OTX1: variants seen among roughly 807,000 people sequenced by gnomAD.
OTX1 encodes the protein orthodenticle homeobox 1, also known as homeobox protein OTX1.
In OTX1, 7 loss-of-function variants were observed where a neutral mutation model predicts 26.7. The ratio of observed to expected loss-of-function variants is 0.26; its 90% CI spans 0.15 to 0.49. OTX1 has a LOEUF of 0.49. Ranked by LOEUF, OTX1 falls within the 20% of genes least tolerant of loss-of-function variation. The pLI is 0.98. For missense variants in OTX1, 414 were observed against 483.8 expected, an observed-to-expected ratio of 0.86 and a Z score of 1.35; for synonymous variants, 216 against 212.8, an observed-to-expected ratio of 1.01 and a Z score of -0.13.
In OTX1 at chr2:63,052,976, C is replaced by T. The variant is rs1407070011; in HGVS notation, c.-15C>T. The T allele has an allele frequency of 1.3e-6, 2 of 1,599,488 alleles. No homozygotes were observed. Among genetic ancestry groups the T allele is most frequent in the Non-Finnish European group, 1.7e-6 (2 of 1,169,650 alleles). The stretch of plus-strand genomic sequence containing the variant: ...CCCCCTGGATCCGTCGGGGCGCCTC[C>T]ACCCAGCTGTTAGCATGATGTCTTA... On this transcript the variant is annotated 5_prime_UTR_variant, in exon 3 of 5. Coordinates refer to ENST00000282549, the MANE Select transcript of OTX1 (RefSeq NM_014562.4).
intron 2 of OTX1, among the ~76,000 whole-genome samples, 168 bp from the exon 3 acceptor site, chr2:63,052,712 G>C (rs566521439): frequency 2.0e-5 from 3 of 152,304 alleles, no homozygotes; most frequent in Admixed American, 1.3e-4. Flanking sequence ...AGACGACCCA[G>C]AAAACTTTAC....
chr2:63,050,345 G>A (rs13011372), upstream of OTX1, among the ~76,000 whole-genome samples: 2,107 of 152,274 alleles, frequency 0.014, 17 homozygotes, highest in Non-Finnish European at 0.022. Flanking sequence ...CGCCGGGAGA[G>A]GGGCCGAGGC....
In OTX1 at chr2:63,055,558, A is replaced by G. The variant is rs763280386; in HGVS notation, c.307A>G (p.Thr103Ala). Residue 103 changes from threonine to alanine, a missense_variant, in exon 5 of 5, where the codon ACC becomes GCC. This residue lies in a region of OTX1 where 320 missense variants were observed against 347.9 expected (regional missense o/e 0.92). Coordinates refer to ENST00000282549, the MANE Select transcript of OTX1 (RefSeq NM_014562.4). The surrounding 1 kb of genome is among the most constrained non-coding windows in gnomAD (Gnocchi z 5.2). ...CCAGCAGCAGCAGAGCGGGAGCGGA[A>G]CCAAGAGCCGCCCAGCCAAGAAGAA... Reference protein sequence around the residue: ...CRQQQQSGSGTKSRPAKKKSS... With the variant: ...CRQQQQSGSGAKSRPAKKKSS... 3.8e-5 allele frequency: 61 copies of G among 1,614,032 alleles called. No homozygotes were observed. Among genetic ancestry groups the G allele is most frequent in the Non-Finnish European group, 5.1e-5 (60 of 1,180,046 alleles).
chr2:63,050,793 C>T (rs1007226941), upstream of OTX1: 1 of 152,284 alleles, frequency 6.6e-6, no homozygotes, highest in Non-Finnish European at 1.5e-5. Flanking sequence ...ACGCACTCGC[C>T]TCGCGTTCAC....
At chr2:63,050,818 C>T (rs2062020070), upstream of OTX1, 1 of 152,268 alleles carries the variant, frequency 6.6e-6, no homozygotes, top group Non-Finnish European at 1.5e-5. Context: ...CCGGGGAGGG[C>T]AGTAGAAAGG....
chr2:63,056,450 C>G lies in OTX1; in HGVS notation c.*134C>G. On this transcript the variant is annotated 3_prime_UTR_variant, in exon 5 of 5. Coordinates refer to ENST00000282549, the MANE Select transcript of OTX1 (RefSeq NM_014562.4). ...AATTTTCACCCCCCAAAAAGATGTC[C>G]ATTGCCTGCACTGCCGCCCCCATTT... The G allele has an allele frequency of 1.2e-6, 1 of 810,460 alleles. No individual in the cohort carries two copies. The highest frequency in any genetic ancestry group is 2.8e-5 in the Admixed American group (1 of 35,558). 50.2% of individuals were successfully genotyped at this position (810,460 alleles called of 1,614,324 possible).
chr2:63,054,576 C>T (rs1237029263), intron 4 of OTX1, among the ~76,000 whole-genome samples: 1 of 152,254 alleles, frequency 6.6e-6, no homozygotes, highest in East Asian at 1.9e-4. Context: ...TGAATTCTGC[C>T]TCTGCCCTTG....
rs1446653430 is a variant in OTX1 at position 63,055,797 on chromosome 2, C to T, written c.546C>T (p.Ile182=). The T allele has an allele frequency of 2.5e-6, 4 of 1,612,302 alleles. No individual in the cohort carries two copies. Among genetic ancestry groups the T allele is most frequent in the Middle Eastern group, 1.7e-4 (1 of 6,056 alleles). ...AASSIWSPAS[I]SPGSAPASVS... is the part of the protein sequence containing the mutation. ...CATCTATCTGGAGCCCGGCCTCCATCTCGCCAGGCTCAGCGCCCGCGTCCG... is the reference window on the plus strand; with the variant it reads ...CATCTATCTGGAGCCCGGCCTCCATTTCGCCAGGCTCAGCGCCCGCGTCCG... The change falls in exon 5 of 5, where the codon ATC becomes ATT. Residue 182 remains isoleucine, a synonymous_variant. Transcript: ENST00000282549. The surrounding 1 kb of genome is among the most constrained non-coding windows in gnomAD (Gnocchi z 5.2).
At position 63,057,778 on chromosome 2, in the gene OTX1, C is replaced by T. The variant is rs1061384; in HGVS notation, c.*1462C>T. On this transcript the variant is annotated 3_prime_UTR_variant, in exon 5 of 5. Transcript: ENST00000282549. ...TTACTTGTTGAAATGTAAGGCAGTC[C>T]CCCTCCTCCTCTTTATCTACATTAC... 7.9e-3 allele frequency: 1,205 copies of T among 152,074 alleles called. 6 individuals carry two copies. Among genetic ancestry groups the T allele is most frequent in the Non-Finnish European group, 0.013 (872 of 68,000 alleles). 9.4% of individuals were successfully genotyped at this position (152,074 alleles called of 1,614,324 possible). A position where few individuals can be genotyped will look rare whatever the true frequency, so the allele number is the denominator to read the frequency against.
chr2:63,056,553 C>T lies in OTX1; in HGVS notation c.*237C>T. ...GGGACCGGTGCTTCGGCTTGGCCTA[C>T]ACATTCTATACAGGAGAGATGTATT... On this transcript the variant is annotated 3_prime_UTR_variant, in exon 5 of 5. Coordinates refer to ENST00000282549, the MANE Select transcript of OTX1 (RefSeq NM_014562.4). The T allele has an allele frequency of 1.7e-6, 1 of 593,874 alleles. No homozygotes were observed. The highest frequency in any genetic ancestry group is 2.8e-5 in the East Asian group (1 of 35,778). The allele number at this position is 593,874 out of a possible 1,614,324, so 36.8% of individuals were successfully genotyped here.
At position 63,057,156 on chromosome 2, in the gene OTX1, T is replaced by C; in HGVS notation, c.*840T>C. 1 of 151,462 alleles carries C rather than the reference T, an allele frequency of 6.6e-6. No homozygotes were observed. Among genetic ancestry groups the C allele is most frequent in the Admixed American group, 6.6e-5 (1 of 15,212 alleles). The allele number at this position is 151,462 out of a possible 1,614,324, so 9.4% of individuals were successfully genotyped here. ...ACATATATATATATATACATATATATATACACATATATAAAAAACAAAAGC... is the reference window on the plus strand; with the variant it reads ...ACATATATATATATATACATATATACATACACATATATAAAAAACAAAAGC... On this transcript the variant is annotated 3_prime_UTR_variant, in exon 5 of 5. Transcript: ENST00000282549.
intron 2 of OTX1, among the ~76,000 whole-genome samples, 190 bp from the exon 3 acceptor site, chr2:63,052,689 CA>C (rs1419916562): frequency 6.6e-6 from 1 of 152,204 alleles, no homozygotes; most frequent in East Asian, 1.9e-4. Flanking sequence ...TGGCTCATTC[CA>C]ACCCTAGAGC....
At chr2:63,053,324 G>A (rs539539626) in intron 3 of OTX1, 10 of 438,382 alleles carry the variant, frequency 2.3e-5, no homozygotes, top group East Asian at 3.7e-5. Context: ...CCGGATCACC[G>A]GCAACCTTTC....
At chr2:63,050,346 G>A (rs540155965), upstream of OTX1, among the ~76,000 whole-genome samples, 326 of 152,302 alleles carry the variant, frequency 2.1e-3, 3 homozygotes, top group African/African-American at 6.6e-3. Context: ...GCCGGGAGAG[G>A]GGCCGAGGCC....
At position 63,053,050 on chromosome 2, in the gene OTX1, C is replaced by T; in HGVS notation, c.60C>T (p.Pro20=). The T allele has an allele frequency of 6.2e-7, 1 of 1,603,948 alleles. No individual in the cohort carries two copies. The highest frequency in any genetic ancestry group is 2.3e-5 in the East Asian group (1 of 43,764). ...YGMNGLGLAG[P]AMDLLHPSVG... is the part of the protein sequence containing the mutation. ...TGAACGGGCTGGGCCTGGCCGGGCC[C>T]GCCATGGACCTCCTGCACCCATCCG... The change falls in exon 3 of 5, where the codon CCC becomes CCT. Residue 20 remains proline (P), a synonymous_variant. Coordinates refer to ENST00000282549, the MANE Select transcript of OTX1 (RefSeq NM_014562.4).
Position 63,055,715 on chromosome 2 carries a change from C to A in OTX1, c.464C>A (p.Ala155Glu). The A allele has an allele frequency of 6.8e-6, 11 of 1,613,248 alleles. No individual in the cohort carries two copies. Among genetic ancestry groups the A allele is most frequent in the African/African-American group, 1.3e-5 (1 of 75,058 alleles). ...GCCAACCCAGCGGCTGCAGCGGCTG[C>A]GGGACTAGGTGGGAACCCGGTGGCG... ...SSANPAAAAA[A>E]GLGGNPVAAA... The change falls in exon 5 of 5, where the codon GCG (alanine) becomes GAG (glutamate). Residue 155 changes from alanine (A) to glutamate (E), a missense_variant. This residue lies in a region of OTX1 where 320 missense variants were observed against 347.9 expected (regional missense o/e 0.92). Coordinates refer to ENST00000282549, the MANE Select transcript of OTX1 (RefSeq NM_014562.4). The surrounding 1 kb of genome is among the most constrained non-coding windows in gnomAD (Gnocchi z 5.2).
rs2062035670 is a variant in OTX1 at position 63,052,880 on chromosome 2, G to T, written c.-111G>T. On this transcript the variant is annotated splice_region_variant and 5_prime_UTR_variant, in exon 3 of 5. Coordinates refer to ENST00000282549, the MANE Select transcript of OTX1 (RefSeq NM_014562.4). Reference sequence around the variant, plus strand: ...TTCCGTGTGTCTCGTGTCTTCATAGGCCAGGCCCCCAGACGCATCAGACCC... The same window carrying T: ...TTCCGTGTGTCTCGTGTCTTCATAGTCCAGGCCCCCAGACGCATCAGACCC... The T allele has an allele frequency of 4.4e-6, 3 of 685,518 alleles. No homozygotes were observed. The highest frequency in any genetic ancestry group is 5.6e-5 in the East Asian group (2 of 35,892). 42.5% of individuals were successfully genotyped at this position (685,518 alleles called of 1,614,324 possible).
chr2:63,050,045 G>A (rs2062011436), upstream of OTX1: 1 of 152,356 alleles, frequency 6.6e-6, no homozygotes, highest in South Asian at 2.1e-4. Flanking sequence ...GGGTGTACGT[G>A]TGAGGGGAAG....
rs775862775 is a variant in OTX1 at position 63,055,868 on chromosome 2, T to A, written c.617T>A (p.Met206Lys). The A allele has an allele frequency of 6.2e-7, 1 of 1,612,394 alleles. No homozygotes were observed. Among genetic ancestry groups the A allele is most frequent in the Admixed American group, 1.7e-5 (1 of 59,996 alleles). Reference sequence around the variant, plus strand: ...GCCGCGCCTAGCAACACCTCGTGTATGCAGCGCTCCGTAGCTGCAGGCGCC... The same window carrying A: ...GCCGCGCCTAGCAACACCTCGTGTAAGCAGCGCTCCGTAGCTGCAGGCGCC... ...PLAAPSNTSC[M>K]QRSVAAGAAT... Residue 206 changes from methionine to lysine, a missense_variant, in exon 5 of 5, where the codon ATG becomes AAG. Around this residue, in one of 3 missense-constraint regions of OTX1, gnomAD observed 320 missense variants for 347.9 expected, o/e 0.92. Transcript: ENST00000282549. The surrounding 1 kb of genome is among the most constrained non-coding windows in gnomAD (Gnocchi z 5.2).
Sources: gnomAD v4.1 joint callset for allele counts (sites outside exome capture counted in the v4.1 genomes callset) on GRCh38, gnomAD v4.1.1 for gene constraint, gnomAD v4.1.1 regional missense constraint, Gnocchi (gnomAD v3.1) non-coding constraint, MANE v1.5 for transcripts, NCBI Gene and HGNC (gene_info 2026-07-23, HGNC 2026-07-21) for gene names.